Variants in CES5A observed in about 807,000 individuals in gnomAD.
CES5A encodes the protein carboxylesterase 5.
CES5A carries 67 observed loss-of-function variants against 62.9 expected under a neutral mutation model. That is an observed-to-expected ratio of 1.07 (90% CI 0.88 to 1.31). The LOEUF (loss-of-function observed/expected upper bound fraction) is 1.31. Ranked by LOEUF, CES5A falls within the 50% of genes most tolerant of loss-of-function variation. The pLI is 0.00. For missense variants in CES5A, 748 were observed against 708.5 expected, an observed-to-expected ratio of 1.06 and a Z score of -0.63; for synonymous variants, 296 against 280.8, an observed-to-expected ratio of 1.05 and a Z score of -0.54.
intron 10 of CES5A, among the ~76,000 whole-genome samples, chr16:55,852,663 G>A (rs1267891099): frequency 6.6e-6 from 1 of 152,182 alleles, no homozygotes; most frequent in Non-Finnish European, 1.5e-5. Context: ...CCTGAAGAAG[G>A]GGAAGAAACA....
intron 1 of CES5A, among the ~76,000 whole-genome samples, chr16:55,887,923 G>C: frequency 6.6e-6 from 1 of 152,132 alleles, no homozygotes; most frequent in East Asian, 1.9e-4. Flanking sequence ...TGGTTCTTGA[G>C]CGGCCGAGTA....
At chr16:55,927,479 G>T (rs1231413751), upstream of CES5A, among the ~76,000 whole-genome samples, 2 of 152,154 alleles carry the variant, frequency 1.3e-5, no homozygotes, top group Admixed American at 1.3e-4. Context: ...TTTCTCAAAA[G>T]AGAATATACA....
Position 55,859,337 on chromosome 16 carries a change from A to G in CES5A, c.1056+210T>C, listed in dbSNP as rs185572859. Among the ~76,000 whole-genome samples, 5 of 152,338 alleles carry G rather than the reference A, an allele frequency of 3.3e-5. No homozygotes were observed. The East Asian group carries it at 5.8e-4, about 18-fold the overall frequency. On this transcript the variant is annotated intron_variant, in intron 8 of 12. Coordinates refer to ENST00000290567, the MANE Select transcript of CES5A (RefSeq NM_001143685.2). Reference sequence around the variant, plus strand: ...AGTTGTTTCTTCCGCCCTAAACCTCATTACATGAGAAGCAAGGCAGACACT... The same window carrying G: ...AGTTGTTTCTTCCGCCCTAAACCTCGTTACATGAGAAGCAAGGCAGACACT...
At chr16:55,953,544 A>T (rs1404439927) in intron 1 of CES5A, among the ~76,000 whole-genome samples, 2 of 151,976 alleles carry the variant, frequency 1.3e-5, no homozygotes, top group Non-Finnish European at 2.9e-5. Context: ...GACCCTATTC[A>T]CAAAAGGAAA....
chr16:55,916,322 G>C (rs2034148740), intron 1 of CES5A, among the ~76,000 whole-genome samples: 2 of 152,142 alleles, frequency 1.3e-5, no homozygotes, highest in African/African-American at 2.4e-5. Flanking sequence ...GCAGAATTCA[G>C]CCTCCTCACA....
chr16:55,900,051 G>C (rs1444964404), intron 1 of CES5A, among the ~76,000 whole-genome samples: 1 of 152,044 alleles, frequency 6.6e-6, no homozygotes, highest in African/African-American at 2.4e-5. Flanking sequence ...GATTTCCCAA[G>C]GTCACAGGGC....
Position 55,846,845 on chromosome 16 carries a change from AG to A in CES5A, c.1424-6del. 1.2e-6 allele frequency: 2 copies of A among 1,613,746 alleles called. No individual in the cohort carries two copies. The highest frequency in any genetic ancestry group is 8.5e-7 in the Non-Finnish European group (1 of 1,179,742). ...TCTCCTCCTCCGTGGCTCCTTCTGA[AG>A]GAGATAATCACAAAATGCTGCTGCT... On this transcript the variant is annotated splice_region_variant and splice_polypyrimidine_tract_variant and intron_variant, in intron 11 of 12. Transcript: ENST00000290567.
At chr16:55,889,442 C>T (rs563749323) in intron 1 of CES5A, among the ~76,000 whole-genome samples, 2 of 152,274 alleles carry the variant, frequency 1.3e-5, no homozygotes, top group East Asian at 1.9e-4. Context: ...AATTAATTTG[C>T]TAGAATGGCT....
chr16:55,851,153 T>G (rs927219391), intron 10 of CES5A, among the ~76,000 whole-genome samples: 2 of 152,102 alleles, frequency 1.3e-5, no homozygotes, highest in African/African-American at 4.8e-5. Flanking sequence ...TCATCAAAAT[T>G]AAAAACTACT....
At chr16:55,921,921 T>A (rs1369163730) in intron 1 of CES5A, among the ~76,000 whole-genome samples, 1 of 152,042 alleles carries the variant, frequency 6.6e-6, no homozygotes, top group African/African-American at 2.4e-5. Context: ...AAATTATTTT[T>A]GTTTCTATTC....
chr16:55,905,889 T>C (rs201091641), intron 1 of CES5A, among the ~76,000 whole-genome samples: 1 of 152,186 alleles, frequency 6.6e-6, no homozygotes, highest in African/African-American at 2.4e-5. Flanking sequence ...ATGCTTTTAT[T>C]TTTTTAATCG....
At chr16:55,873,754 T>C in intron 2 of CES5A, 79 bp downstream of exon 2, 1 of 1,322,270 alleles carries the variant, frequency 7.6e-7, no homozygotes, top group Non-Finnish European at 1.1e-6. Flanking sequence ...ATCCCTCTTC[T>C]TTCACACTGG....
At chr16:55,892,798 AC>A (rs2033894839) in intron 1 of CES5A, among the ~76,000 whole-genome samples, 1 of 152,162 alleles carries the variant, frequency 6.6e-6, no homozygotes, top group Admixed American at 6.5e-5. Context: ...ACACAGAGAA[AC>A]CTAACTGAGC....
chr16:55,864,772 G>A (rs1428785833), intron 5 of CES5A, among the ~76,000 whole-genome samples: 1 of 152,192 alleles, frequency 6.6e-6, no homozygotes, highest in African/African-American at 2.4e-5. Flanking sequence ...AGCTGGGCAT[G>A]GTGGCGCATG....
chr16:55,858,066 G>A lies in CES5A; in HGVS notation c.1056+1481C>T, dbSNP rs144800710. 1.6e-3 allele frequency among the ~76,000 whole-genome samples: 245 copies of A among 152,294 alleles called. 8 individuals carry two copies. In the South Asian group the frequency reaches 0.034, roughly 21 times the overall value. Reference sequence around the variant, plus strand: ...AAAAAAAAATTAGCTGGGCATGGTGGTGGGTGCCTGTAATCCCAGCTACTC... The same window carrying A: ...AAAAAAAAATTAGCTGGGCATGGTGATGGGTGCCTGTAATCCCAGCTACTC... On this transcript the variant is annotated intron_variant, in intron 8 of 12. Transcript: ENST00000290567.
chr16:55,893,372 C>A (rs2033900516), intron 1 of CES5A, among the ~76,000 whole-genome samples: 1 of 151,694 alleles, frequency 6.6e-6, no homozygotes, highest in South Asian at 2.1e-4. Context: ...AATCAAAAGA[C>A]AAGTAAGGTC....
chr16:55,906,603 A>G (rs2034041967), intron 1 of CES5A, among the ~76,000 whole-genome samples: 2 of 152,242 alleles, frequency 1.3e-5, no homozygotes, highest in Admixed American at 1.3e-4. Flanking sequence ...CTTTGAGGGA[A>G]GCCACGGGCA....
At chr16:55,934,278 T>G (rs1462822614) in intron 2 of CES5A, among the ~76,000 whole-genome samples, 3 of 152,214 alleles carry the variant, frequency 2.0e-5, no homozygotes, top group Non-Finnish European at 2.9e-5. Flanking sequence ...TTCAAGAGAA[T>G]GTATATTATT....
intron 7 of CES5A, among the ~76,000 whole-genome samples, chr16:55,860,316 G>A (rs1475386766): frequency 1.3e-5 from 2 of 152,164 alleles, no homozygotes; most frequent in East Asian, 1.9e-4. Flanking sequence ...AGCATGAGAA[G>A]AGACTAATAT....
Sources: gnomAD v4.1 joint callset for allele counts (sites outside exome capture counted in the v4.1 genomes callset) on GRCh38, gnomAD v4.1.1 for gene constraint, MANE v1.5 for transcripts, NCBI Gene and HGNC (gene_info 2026-07-23, HGNC 2026-07-21) for gene names.